RBM23: variants seen among roughly 807,000 people sequenced by gnomAD.
RBM23 encodes the protein probable RNA-binding protein 23.
A neutral mutation model predicts 56.2 loss-of-function variants in RBM23; 53 were observed. The ratio of observed to expected loss-of-function variants is 0.94; its 90% CI spans 0.76 to 1.19. The LOEUF is 1.19. RBM23 is among the 50% of genes most tolerant of loss of function. The pLI is 0.00. For missense variants in RBM23, 642 were observed against 590.3 expected (o/e 1.09, Z -0.91); for synonymous variants, 197 against 198.5 (o/e 0.99, Z 0.06).
At chr14:22,918,189 G>A (rs2043899218) in intron 1 of RBM23, among the ~76,000 whole-genome samples, 2 of 152,168 alleles carry the variant, frequency 1.3e-5, no homozygotes, top group South Asian at 4.1e-4. Flanking sequence ...GAGGTCAGGA[G>A]TTCGAGGTCA....
Position 22,905,435 on chromosome 14 carries a change from C to CA in RBM23, c.473dup (p.Ser159GlufsTer3), listed in dbSNP as rs777028013. On this transcript the variant is annotated frameshift_variant, in exon 7 of 14. Transcript: ENST00000359890. LOFTEE classifies it high-confidence loss of function. ...TGCGGGCATCACGCTCCTCAGGACT[C>CA]AGATTATCAACTGGCTCCCTGAAGA... 25 of 1,614,090 alleles carry CA rather than the reference C, an allele frequency of 1.5e-5. No homozygotes were observed. The highest frequency in any genetic ancestry group is 2.0e-5 in the Non-Finnish European group (24 of 1,180,048).
intron 10 of RBM23, chr14:22,903,437 A>C: frequency 1.0e-6 from 1 of 985,432 alleles, no homozygotes; most frequent in Non-Finnish European, 1.2e-6. Context: ...AATTGTCAAC[A>C]CCACAGCTAG....
In RBM23 at chr14:22,908,345, T is replaced by C. The variant is rs983564063; in HGVS notation, c.215A>G (p.Asp72Gly). The change falls in exon 4 of 14, where the codon GAT becomes GGT. Residue 72 changes from aspartate to glycine, a missense_variant. Physicochemically the swap from Asp to Gly is moderately conservative, Grantham distance 94 (BLOSUM62 -1). Coordinates refer to ENST00000359890, the MANE Select transcript of RBM23 (RefSeq NM_001077351.2). ...KRSRSHNKSR[D>G]RKRSRSRDRD... Reference sequence around the variant, plus strand: ...CAGAATTACTGACCTGCGCTTTCTATCCCTGCTTTTATTATGGCTCCGACT... The same window carrying C: ...CAGAATTACTGACCTGCGCTTTCTACCCCTGCTTTTATTATGGCTCCGACT... The C allele has an allele frequency of 9.7e-6, 15 of 1,549,560 alleles. No individual in the cohort carries two copies. The African/African-American group carries it at 1.6e-4, about 17-fold the overall frequency.
chr14:22,909,720 A>G, intron 2 of RBM23, 125 bp from the exon 3 acceptor site: 1 of 706,386 alleles, frequency 1.4e-6, no homozygotes, highest in East Asian at 2.5e-5. Flanking sequence ...CCAGATTTTC[A>G]GCACCCTTAT....
rs1468725644 is a variant in RBM23, at chr14:22,896,529, T to C, written c.*5201A>G. Reference sequence around the variant, plus strand: ...GGGTCTCCGATTTCCAAGGTCATTGTTTCTCCTTTCTACAATCCGGCACTG... The same window carrying C: ...GGGTCTCCGATTTCCAAGGTCATTGCTTCTCCTTTCTACAATCCGGCACTG... On this transcript the variant is annotated 3_prime_UTR_variant, in exon 14 of 14. Coordinates refer to ENST00000359890, the MANE Select transcript of RBM23 (RefSeq NM_001077351.2). 1.3e-5 allele frequency: 2 copies of C among 152,174 alleles called. No individual in the cohort carries two copies. The highest frequency in any genetic ancestry group is 4.8e-5 in the African/African-American group (2 of 41,416). 9.4% of individuals were successfully genotyped at this position (152,174 alleles called of 1,614,324 possible). A position where few individuals can be genotyped will look rare whatever the true frequency, so the allele number is the denominator to read the frequency against.
intron 5 of RBM23, chr14:22,905,905 A>C: frequency 1.7e-6 from 1 of 591,518 alleles, no homozygotes; most frequent in South Asian, 2.1e-5. Context: ...ACACATGACC[A>C]TATCTAGCTC....
At chr14:22,904,146 G>T in intron 10 of RBM23, 115 bp downstream of exon 10, 1 of 1,583,032 alleles carries the variant, frequency 6.3e-7, no homozygotes, top group East Asian at 2.3e-5. Flanking sequence ...TCAGGCACCA[G>T]GGTTTATGGG....
chr14:22,910,738 C>A (rs941375462), intron 2 of RBM23, among the ~76,000 whole-genome samples: 6 of 152,024 alleles, frequency 3.9e-5, no homozygotes, highest in Admixed American at 3.3e-4. Flanking sequence ...CTGGGACGGG[C>A]GCAGTGGCTC....
In RBM23 at chr14:22,908,390, A is replaced by C. The variant is rs923825044; in HGVS notation, c.180-10T>G. 6.5e-7 allele frequency: 1 copy of C among 1,545,750 alleles called. No homozygotes were observed. Among genetic ancestry groups the C allele is most frequent in the African/African-American group, 1.4e-5 (1 of 72,690 alleles). On this transcript the variant is annotated splice_polypyrimidine_tract_variant and intron_variant, in intron 3 of 13. Coordinates refer to ENST00000359890, the MANE Select transcript of RBM23 (RefSeq NM_001077351.2). ...CCGACTCCTCTTCTTCCTGTGAAAG[A>C]GAGTACATTCTTCTTTTTTTTTTTT...
At position 22,905,210 on chromosome 14, in the gene RBM23, G is replaced by A. The variant is rs764542650; in HGVS notation, c.610C>T (p.Arg204Cys). Residue 204 changes from arginine to cysteine, a missense_variant, in exon 8 of 14, where the codon CGT becomes TGT. Physicochemically the swap from Arg to Cys is radical, Grantham distance 180. Coordinates refer to ENST00000359890, the MANE Select transcript of RBM23 (RefSeq NM_001077351.2). ...DVRIISDRNS[R>C]RSKGIAYVEF... Reference sequence around the variant, plus strand: ...ACGTAGGCAATGCCCTTAGAACGACGTGAGTTCCGATCTGAGATGATACGT... The same window carrying A: ...ACGTAGGCAATGCCCTTAGAACGACATGAGTTCCGATCTGAGATGATACGT... The A allele has an allele frequency of 1.1e-5, 18 of 1,614,172 alleles. No homozygotes were observed. The East Asian group carries it at 3.1e-4, about 28-fold the overall frequency.
At chr14:22,915,065 C>T (rs1044195615) in intron 1 of RBM23, among the ~76,000 whole-genome samples, 14 of 151,840 alleles carry the variant, frequency 9.2e-5, no homozygotes, top group South Asian at 2.1e-4. Flanking sequence ...CCTTGGTTGC[C>T]CTAAGAGTCC....
At chr14:22,914,686 C>T (rs2043177645) in intron 1 of RBM23, among the ~76,000 whole-genome samples, 1 of 151,724 alleles carries the variant, frequency 6.6e-6, no homozygotes, top group Non-Finnish European at 1.5e-5. Flanking sequence ...TTTTTCATAA[C>T]TGTAAGAACT....
chr14:22,900,160 G>A lies in RBM23; in HGVS notation c.*1570C>T, dbSNP rs1323025986. ...GCAGGAGTTGAGGGGACTGACAGAGGAACAACAGTAGACATCAGGTCAGGA... is the reference window on the plus strand; with the variant it reads ...GCAGGAGTTGAGGGGACTGACAGAGAAACAACAGTAGACATCAGGTCAGGA... On this transcript the variant is annotated 3_prime_UTR_variant, in exon 14 of 14. Transcript: ENST00000359890. The A allele has an allele frequency of 6.6e-6, 1 of 152,180 alleles. No homozygotes were observed. The highest frequency in any genetic ancestry group is 2.4e-5 in the African/African-American group (1 of 41,418). The allele number at this position is 152,180 out of a possible 1,614,324, so 9.4% of individuals were successfully genotyped here. A position where few individuals can be genotyped will look rare whatever the true frequency, so the allele number is the denominator to read the frequency against.
At chr14:22,914,928 A>G (rs2043218467) in intron 1 of RBM23, among the ~76,000 whole-genome samples, 1 of 146,414 alleles carries the variant, frequency 6.8e-6, no homozygotes, top group South Asian at 2.3e-4. Context: ...GGTTGCAGTG[A>G]GCCGAGATCA....
intron 4 of RBM23, among the ~76,000 whole-genome samples, chr14:22,906,797 G>C (rs961930107): frequency 6.6e-6 from 1 of 151,936 alleles, no homozygotes; most frequent in African/African-American, 2.4e-5. Context: ...CCAGCACTTT[G>C]GGAGGCCAAG....
rs754465316 is a variant in RBM23 at position 22,901,978 on chromosome 14, A to T, written c.1246+2T>A. The T allele has an allele frequency of 6.2e-7, 1 of 1,611,246 alleles. No homozygotes were observed. The highest frequency in any genetic ancestry group is 2.2e-5 in the East Asian group (1 of 44,798). ...CCCTTCCTTTCCCATGTCCAAGACT[A>T]CCAGTCAGAGCTGCTGGATTCAGGG... On this transcript the variant is annotated splice_donor_variant, in intron 12 of 13. Coordinates refer to ENST00000359890, the MANE Select transcript of RBM23 (RefSeq NM_001077351.2). LOFTEE classifies it high-confidence loss of function.
At chr14:22,904,817 C>A in intron 9 of RBM23, 58 bp downstream of exon 9, 1 of 1,605,746 alleles carries the variant, frequency 6.2e-7, no homozygotes, top group African/African-American at 1.3e-5. Flanking sequence ...TACACTCAAA[C>A]ACTCACCCTC....
rs763680676 is a variant in RBM23 at position 22,906,159 on chromosome 14, T to C, written c.401+36A>G. 4 of 1,609,304 alleles carry C rather than the reference T, an allele frequency of 2.5e-6. No individual in the cohort carries two copies. In the South Asian group the frequency reaches 4.4e-5, roughly 18 times the overall value. The stretch of plus-strand genomic sequence containing the variant: ...TGCATTTGTTGTTTTATCCAGATTA[T>C]TATACAAAAGTGAATCTATTAGCAA... On this transcript the variant is annotated intron_variant, in intron 5 of 13. Coordinates refer to ENST00000359890, the MANE Select transcript of RBM23 (RefSeq NM_001077351.2).
chr14:22,909,379 A>T, intron 3 of RBM23, 104 bp downstream of exon 3: 1 of 867,242 alleles, frequency 1.2e-6, no homozygotes, highest in African/African-American at 1.6e-5. Context: ...ACTAACAGTC[A>T]GCAGTCTTAA....
Sources: gnomAD v4.1 joint callset for allele counts (sites outside exome capture counted in the v4.1 genomes callset) on GRCh38, gnomAD v4.1.1 for gene constraint, MANE v1.5 for transcripts, NCBI Gene and HGNC (gene_info 2026-07-23, HGNC 2026-07-21) for gene names.